WIPF1: variants seen among roughly 807,000 people sequenced by gnomAD.
WIPF1 encodes the protein WAS/WASL interacting protein family member 1, also known as WAS/WASL-interacting protein family member 1.
WIPF1 carries 13 observed loss-of-function variants against 35.4 expected under a neutral mutation model. The observed-to-expected ratio is 0.37, with a 90% CI of 0.24 to 0.58. The LOEUF is 0.58. WIPF1 is among the 20% of genes least tolerant of loss of function. The pLI is 0.74. For missense variants in WIPF1, 591 were observed against 667.0 expected (o/e 0.89, Z 1.25); for synonymous variants, 267 against 266.3 (o/e 1.00, Z -0.02).
chr2:174,648,288 A>G (rs1446841449), intron 1 of WIPF1, among the ~76,000 whole-genome samples: 1 of 152,196 alleles, frequency 6.6e-6, no homozygotes, highest in Non-Finnish European at 1.5e-5. Context: ...CTAAAGTAGA[A>G]CAAGGGTGCT....
At chr2:174,656,192 T>G (rs1448920564) in intron 1 of WIPF1, 1 of 152,246 alleles carries the variant, frequency 6.6e-6, no homozygotes, top group Admixed American at 6.5e-5. Flanking sequence ...GATAACTCAC[T>G]ACAAGACTGA....
intron 1 of WIPF1, among the ~76,000 whole-genome samples, chr2:174,667,914 G>C (rs1687927043): frequency 6.6e-6 from 1 of 152,182 alleles, no homozygotes; most frequent in Admixed American, 6.5e-5. Context: ...AATGACTTGA[G>C]CCAGAAGTTA....
chr2:174,586,770 G>A (rs1481939492), intron 1 of WIPF1, among the ~76,000 whole-genome samples: 8 of 152,114 alleles, frequency 5.3e-5, no homozygotes, highest in Non-Finnish European at 8.8e-5. Flanking sequence ...GATAGGCAGC[G>A]TGGGCACCAC....
chr2:174,604,082 T>C (rs1686084206), intron 1 of WIPF1, among the ~76,000 whole-genome samples: 1 of 152,166 alleles, frequency 6.6e-6, no homozygotes, highest in African/African-American at 2.4e-5. Flanking sequence ...CCAACGACAG[T>C]AGCACAGGTA....
intron 1 of WIPF1, among the ~76,000 whole-genome samples, chr2:174,652,985 T>C (rs924274522): frequency 8.5e-5 from 13 of 152,256 alleles, no homozygotes; most frequent in Middle Eastern, 3.4e-3. Flanking sequence ...AAATAAACAT[T>C]GAATATATAA....
chr2:174,613,949 T>C (rs1686430541), intron 1 of WIPF1, among the ~76,000 whole-genome samples: 1 of 152,348 alleles, frequency 6.6e-6, no homozygotes, highest in South Asian at 2.1e-4. Flanking sequence ...GTCATTTATC[T>C]AAAACTCATT....
At chr2:174,640,291 T>C (rs558514936) in intron 1 of WIPF1, among the ~76,000 whole-genome samples, 62 of 133,922 alleles carry the variant, frequency 4.6e-4, no homozygotes, top group Middle Eastern at 4.6e-3. Flanking sequence ...TAGGTGGGAA[T>C]TGAACAATGA....
At chr2:174,637,558 C>T (rs1163617140) in intron 1 of WIPF1, among the ~76,000 whole-genome samples, 5 of 152,172 alleles carry the variant, frequency 3.3e-5, no homozygotes, top group Admixed American at 6.5e-5. Flanking sequence ...GAGGCCTAGG[C>T]GGGTGGATTA....
chr2:174,627,516 T>C (rs1216475829), intron 1 of WIPF1, among the ~76,000 whole-genome samples: 2 of 147,314 alleles, frequency 1.4e-5, no homozygotes, highest in Non-Finnish European at 3.0e-5. Flanking sequence ...CCTTCCTTCC[T>C]TCCCTCCCTC....
chr2:174,676,942 G>A (rs1688145132), intron 1 of WIPF1: 2 of 152,090 alleles, frequency 1.3e-5, no homozygotes, highest in South Asian at 2.1e-4. Context: ...CGGGAAGATC[G>A]CTTGAGCCCA....
At chr2:174,642,378 A>C (rs1574856511) in intron 1 of WIPF1, among the ~76,000 whole-genome samples, 6 of 105,718 alleles carry the variant, frequency 5.7e-5, no homozygotes, top group Non-Finnish European at 6.9e-5. Context: ...ACAGAGTCTC[A>C]CTCTGTCGCC....
In WIPF1 at chr2:174,572,386, G is replaced by A. The variant is rs765784451; in HGVS notation, c.419C>T (p.Pro140Leu). 10 of 1,614,020 alleles carry A rather than the reference G, an allele frequency of 6.2e-6. No homozygotes were observed. The highest frequency in any genetic ancestry group is 8.5e-6 in the Non-Finnish European group (10 of 1,180,026). Residue 140 changes from proline (P) to leucine (L), a missense_variant, in exon 5 of 8, where the codon CCC becomes CTC. Transcript: ENST00000679041. Reference sequence around the variant, plus strand: ...CCCTGGGCCACTTGGGGGTGAAAAGGGTTTCGCAGATGTGGATCTTCCTCC... The same window carrying A: ...CCCTGGGCCACTTGGGGGTGAAAAGAGTTTCGCAGATGTGGATCTTCCTCC... ...PPGGRSTSAK[P>L]FSPPSGPGRF...
At chr2:174,586,896 C>G (rs957132830) in intron 1 of WIPF1, among the ~76,000 whole-genome samples, 1 of 152,274 alleles carries the variant, frequency 6.6e-6, no homozygotes, top group Admixed American at 6.5e-5. Context: ...ATGTAGAGAT[C>G]GAGCCTTAAG....
intron 1 of WIPF1, among the ~76,000 whole-genome samples, chr2:174,633,527 C>A (rs1210446073): frequency 6.6e-6 from 1 of 152,240 alleles, no homozygotes; most frequent in Non-Finnish European, 1.5e-5. Context: ...TGTCCTAGAG[C>A]TGCACAGCAG....
At chr2:174,666,938 C>T (rs372369102) in intron 1 of WIPF1, among the ~76,000 whole-genome samples, 2 of 152,236 alleles carry the variant, frequency 1.3e-5, no homozygotes, top group South Asian at 4.1e-4. Context: ...ACAAAGAGAT[C>T]CCTTTGCCCT....
At chr2:174,562,749 TGA>T in intron 7 of WIPF1, 147 bp from the exon 8 acceptor site, 1 of 1,062,940 alleles carries the variant, frequency 9.4e-7, no homozygotes, top group Non-Finnish European at 1.4e-6. Flanking sequence ...GGATGAGAAG[TGA>T]GAGGTGAAAA....
At chr2:174,588,918 C>T (rs1200795595) in intron 1 of WIPF1, among the ~76,000 whole-genome samples, 1 of 152,192 alleles carries the variant, frequency 6.6e-6, no homozygotes, top group Admixed American at 6.5e-5. Flanking sequence ...CTTTCCCTGG[C>T]CCCATCTCTC....
intron 1 of WIPF1, among the ~76,000 whole-genome samples, chr2:174,638,621 T>A (rs574097911): frequency 2.0e-5 from 3 of 152,136 alleles, no homozygotes; most frequent in Non-Finnish European, 4.4e-5. Context: ...TTTTTTAAGA[T>A]TCCGCATATG....
upstream of WIPF1, among the ~76,000 whole-genome samples, chr2:174,601,998 G>A (rs923230481): frequency 1.3e-5 from 2 of 152,216 alleles, no homozygotes; most frequent in Admixed American, 6.5e-5. Context: ...GCTGTGATGC[G>A]GATGGGAGAG....
Sources: allele counts gnomAD v4.1 joint callset (sites outside exome capture counted in the v4.1 genomes callset), GRCh38; gene constraint gnomAD v4.1.1; transcripts MANE v1.5; gene names NCBI Gene and HGNC (gene_info 2026-07-23, HGNC 2026-07-21).